The following SRGAP3 variants were observed in gnomAD, a reference collection of about 807,000 sequenced individuals.
The protein encoded by SRGAP3 is SLIT-ROBO Rho GTPase activating protein 3, also known as SLIT-ROBO Rho GTPase-activating protein 3.
Under a neutral mutation model 121.1 loss-of-function variants are expected in SRGAP3, and 39 were observed. The observed-to-expected ratio is 0.32, with a 90% CI of 0.25 to 0.42. SRGAP3 has a LOEUF of 0.42. Among genes scored for constraint, SRGAP3 ranks in the 10% least tolerant of loss-of-function variants. The pLI, the probability that SRGAP3 is intolerant of heterozygous loss-of-function variation, is 1.00. For synonymous variants in SRGAP3, 601 were observed against 570.0 expected (o/e 1.05, Z -0.77); for missense variants, 1,213 against 1,470.6 (o/e 0.82, Z 2.86).
intron 1 of SRGAP3, among the ~76,000 whole-genome samples, chr3:9,142,889 G>A (rs1455998172): frequency 7.5e-6 from 1 of 134,156 alleles, no homozygotes; most frequent in African/African-American, 2.9e-5. Flanking sequence ...CCAGCCTGGA[G>A]TATAGTGGCG....
In SRGAP3 at chr3:9,335,762, T is replaced by C. The variant is rs191811589; in HGVS notation, n.215-5166A>G. 1.0e-3 allele frequency among the ~76,000 whole-genome samples: 158 copies of C among 152,320 alleles called. 1 individual carries two copies. Among genetic ancestry groups the C allele is most frequent in the African/African-American group, 3.6e-3 (148 of 41,566 alleles). ...ATCCTAGCTATGCACTGAAATCACC[T>C]GGAGAAGTTTATAAAATATCAATGC... On this transcript the variant is annotated intron_variant and non_coding_transcript_variant, in intron 1 of 3. Coordinates refer to the SRGAP3 transcript ENST00000490889.
At chr3:9,180,562 C>A (rs559243392) in intron 1 of SRGAP3, among the ~76,000 whole-genome samples, 3 of 152,154 alleles carry the variant, frequency 2.0e-5, no homozygotes, top group Non-Finnish European at 4.4e-5. Flanking sequence ...TTCCTACAGG[C>A]AAGTTTCACC....
At chr3:9,343,871 G>T (rs1404261000) in intron 1 of SRGAP3, among the ~76,000 whole-genome samples, 1 of 152,128 alleles carries the variant, frequency 6.6e-6, no homozygotes, top group African/African-American at 2.4e-5. Context: ...GTTTTGCCAT[G>T]TTGCCCAGGC....
In SRGAP3 at chr3:8,990,642, C is replaced by T. The variant is rs766417065; in HGVS notation, c.2756G>A (p.Ser919Asn). ...GTCAGGGTAGTTGATGCTGCCAGCGCTCCCGAACGTCGCCATCCTCCGCTT... is the reference window on the plus strand; with the variant it reads ...GTCAGGGTAGTTGATGCTGCCAGCGTTCCCGAACGTCGCCATCCTCCGCTT... ...PEKRRMATFG[S>N]AGSINYPDKK... is the part of the protein sequence containing the mutation. The change falls in exon 21 of 22, where the codon AGC becomes AAC. Residue 919 changes from serine to asparagine, a missense_variant. Coordinates refer to ENST00000383836, the MANE Select transcript of SRGAP3 (RefSeq NM_014850.4). 1 of 1,613,640 alleles carries T rather than the reference C, an allele frequency of 6.2e-7. No individual in the cohort carries two copies. The highest frequency in any genetic ancestry group is 2.2e-5 in the East Asian group (1 of 44,870).
intron 1 of SRGAP3, among the ~76,000 whole-genome samples, chr3:9,168,785 C>A (rs1950880742): frequency 6.6e-6 from 1 of 152,172 alleles, no homozygotes; most frequent in South Asian, 2.1e-4. Flanking sequence ...GATTCATAAT[C>A]TCTCATTCAT....
At chr3:9,229,117 T>C (rs1953108496) in intron 1 of SRGAP3, among the ~76,000 whole-genome samples, 1 of 138,780 alleles carries the variant, frequency 7.2e-6, no homozygotes, top group African/African-American at 2.7e-5. Context: ...CCTCCCCAAA[T>C]CAGGGTTATT....
intron 10 of SRGAP3, 78 bp downstream of exon 10, chr3:9,047,313 C>T: frequency 1.4e-6 from 2 of 1,468,482 alleles, no homozygotes; most frequent in Non-Finnish European, 9.4e-7. Flanking sequence ...GCCTGAACAG[C>T]TCAACACGTC....
chr3:9,199,682 T>C (rs1266236714), intron 1 of SRGAP3, among the ~76,000 whole-genome samples: 1 of 152,250 alleles, frequency 6.6e-6, no homozygotes, highest in South Asian at 2.1e-4. Flanking sequence ...CATTCAGTTT[T>C]TGGCTGTGTC....
At chr3:9,332,890 C>G (rs1278081036) in intron 1 of SRGAP3, among the ~76,000 whole-genome samples, 1 of 152,146 alleles carries the variant, frequency 6.6e-6, no homozygotes, top group East Asian at 1.9e-4. Context: ...GTAGCTGTCA[C>G]TTTTATTCAG....
chr3:9,273,569 T>C lies in SRGAP3; in HGVS notation n.442+52441A>G, dbSNP rs11915397. On this transcript the variant is annotated intron_variant and non_coding_transcript_variant, in intron 3 of 3. Transcript: ENST00000490889. Reference sequence around the variant, plus strand: ...TTGCCTTTTCACTCTGATTATGTCCTTTGATGCACAAAAGTTTTAAATTTT... The same window carrying C: ...TTGCCTTTTCACTCTGATTATGTCCCTTGATGCACAAAAGTTTTAAATTTT... Among the ~76,000 whole-genome samples, 646 of 152,322 alleles carry C rather than the reference T, an allele frequency of 4.2e-3. 6 individuals carry two copies. The highest frequency in any genetic ancestry group is 0.014 in the African/African-American group (571 of 41,574).
chr3:9,079,875 A>C (rs1947158025), intron 4 of SRGAP3, 150 bp downstream of exon 4: 10 of 727,526 alleles, frequency 1.4e-5, no homozygotes, highest in Non-Finnish European at 2.3e-5. Flanking sequence ...GAGTCATTAC[A>C]TCCTGACACG....
chr3:8,999,689 G>GCC (rs1464788727), intron 18 of SRGAP3, among the ~76,000 whole-genome samples: 1 of 152,196 alleles, frequency 6.6e-6, no homozygotes, highest in Admixed American at 6.5e-5. Flanking sequence ...AATGACAGAA[G>GCC]CCAGGGCCTG....
At chr3:9,075,388 T>TGC (rs779163145) in intron 4 of SRGAP3, among the ~76,000 whole-genome samples, 1 of 141,526 alleles carries the variant, frequency 7.1e-6, no homozygotes, top group African/African-American at 2.9e-5. Context: ...TGTGTGTGTG[T>TGC]GTGCGCGCGC....
At chr3:9,255,449 C>G (rs1283837723) in intron 3 of SRGAP3, among the ~76,000 whole-genome samples, 2 of 152,200 alleles carry the variant, frequency 1.3e-5, no homozygotes, top group Non-Finnish European at 2.9e-5. Flanking sequence ...CCCCCAAAAC[C>G]CCCAAGCTTA....
chr3:9,010,501 AG>A, intron 17 of SRGAP3, 114 bp from the exon 18 acceptor site: 1 of 1,076,610 alleles, frequency 9.3e-7, no homozygotes, highest in Non-Finnish European at 1.4e-6. Context: ...GCTCAGATGC[AG>A]GCCTATACCA....
intron 3 of SRGAP3, chr3:9,292,989 G>C (rs1029114873): frequency 6.6e-6 from 1 of 150,706 alleles, no homozygotes; most frequent in African/African-American, 2.5e-5. Flanking sequence ...ACCTTGCTCA[G>C]GGCTTTAGAT....
At chr3:9,267,938 T>G (rs563894002) in intron 3 of SRGAP3, among the ~76,000 whole-genome samples, 1 of 109,396 alleles carries the variant, frequency 9.1e-6, no homozygotes, top group East Asian at 2.0e-4. Flanking sequence ...CTATTGCTGT[T>G]TTACATGTTA....
chr3:9,195,581 C>T (rs148043244), intron 1 of SRGAP3, among the ~76,000 whole-genome samples: 225 of 152,282 alleles, frequency 1.5e-3, no homozygotes, highest in African/African-American at 5.2e-3. Context: ...CTTCTGTTGC[C>T]ACCTCCTTAC....
intron 5 of SRGAP3, among the ~76,000 whole-genome samples, chr3:9,060,864 C>T (rs1946132637): frequency 6.6e-6 from 1 of 152,194 alleles, no homozygotes. Context: ...TCCCCTTACA[C>T]CTGCACCTTG....
Sources: allele counts gnomAD v4.1 joint callset (sites outside exome capture counted in the v4.1 genomes callset), GRCh38; gene constraint gnomAD v4.1.1; transcripts MANE v1.5; gene names NCBI Gene and HGNC (gene_info 2026-07-23, HGNC 2026-07-21).